Variants in HIVEP2 observed in about 807,000 individuals in gnomAD.
The protein encoded by HIVEP2 is transcription factor HIVEP2.
In HIVEP2, 14 loss-of-function variants were observed where a neutral mutation model predicts 180.7. The ratio of observed to expected loss-of-function variants is 0.08; its 90% CI spans 0.05 to 0.12. HIVEP2 has a LOEUF of 0.12. HIVEP2 is among the 10% of genes least tolerant of loss of function. HIVEP2 has a pLI of 1.00. For synonymous variants in HIVEP2, 1,184 were observed against 1,136.4 expected, an observed-to-expected ratio of 1.04 and a Z score of -0.84; for missense variants, 2,579 against 3,008.5, an observed-to-expected ratio of 0.86 and a Z score of 3.34.
Position 142,771,330 on chromosome 6 carries a change from T to C in HIVEP2, c.3409A>G (p.Lys1137Glu). 13 of 1,613,140 alleles carry C rather than the reference T, an allele frequency of 8.1e-6. No individual in the cohort carries two copies. Among genetic ancestry groups the C allele is most frequent in the Non-Finnish European group, 1.1e-5 (13 of 1,179,988 alleles). The change falls in exon 5 of 10, where the codon AAG becomes GAG. Residue 1137 changes from lysine (K) to glutamate (E), a missense_variant. Physicochemically the swap from Lys to Glu is moderately conservative, Grantham distance 56. Coordinates refer to ENST00000367603, the MANE Select transcript of HIVEP2 (RefSeq NM_006734.4). The surrounding 1 kb of genome is among the most constrained non-coding windows in gnomAD (Gnocchi z 5.4). ...GGGGGACAAGGACCCGCCACCTGCT[T>C]CCCTGGGTCCTCTTGCTGAAGAGGA... ...LPPLQQEDPGKQVAGPCPPLS... is the reference protein window; with the variant it reads ...LPPLQQEDPGEQVAGPCPPLS...
chr6:142,881,566 A>G (rs954876470), intron 1 of HIVEP2, among the ~76,000 whole-genome samples: 1 of 152,158 alleles, frequency 6.6e-6, no homozygotes, highest in Non-Finnish European at 1.5e-5. Context: ...GCCTTTAATA[A>G]AAAGTCTTGG....
intron 9 of HIVEP2, among the ~76,000 whole-genome samples, chr6:142,755,781 C>T (rs770775141): frequency 6.6e-6 from 1 of 152,144 alleles, no homozygotes; most frequent in Non-Finnish European, 1.5e-5. Context: ...AAATTCAGCC[C>T]TTCACTGATT....
At chr6:142,763,713 T>A (rs1420414301) in intron 7 of HIVEP2, among the ~76,000 whole-genome samples, 5 of 152,212 alleles carry the variant, frequency 3.3e-5, no homozygotes, top group African/African-American at 9.6e-5. Context: ...TTAGTAAAGT[T>A]CTGTATAAAA....
intron 2 of HIVEP2, among the ~76,000 whole-genome samples, chr6:142,825,240 T>C (rs753216149): frequency 2.6e-5 from 4 of 151,974 alleles, no homozygotes; most frequent in Non-Finnish European, 5.9e-5. Flanking sequence ...ATGTTTTAAA[T>C]AGAGAAATAA....
intron 2 of HIVEP2, among the ~76,000 whole-genome samples, chr6:142,819,027 A>G (rs1302578546): frequency 9.2e-6 from 1 of 108,860 alleles, no homozygotes; most frequent in Non-Finnish European, 1.7e-5. Flanking sequence ...GAAGGGAGGC[A>G]GGGAAGAAGG....
rs775671865 is a variant in HIVEP2, at chr6:142,770,272, G to T, written c.4467C>A (p.Arg1489=). Residue 1489 remains arginine (R), a synonymous_variant, in exon 5 of 10, where the codon CGC becomes CGA. Transcript: ENST00000367603. This position sits in a 1 kb window ranked among gnomAD's most constrained non-coding sequence, Gnocchi z 4.7. ...TNSDIKKDLS[R]PQKPQLVRQG... The stretch of plus-strand genomic sequence containing the variant: ...GTCGAACCAGCTGGGGTTTCTGGGG[G>T]CGGGAGAGGTCCTTTTTGATGTCTG... 5.9e-5 allele frequency: 95 copies of T among 1,614,094 alleles called. No individual in the cohort carries two copies. In the South Asian group the frequency reaches 1.0e-3, roughly 17 times the overall value.
At chr6:142,893,513 TC>T (rs890713386) in intron 1 of HIVEP2, among the ~76,000 whole-genome samples, 1 of 152,192 alleles carries the variant, frequency 6.6e-6, no homozygotes, top group African/African-American at 2.4e-5. Context: ...GTGATCTGAC[TC>T]CCCTTTGCAG....
At chr6:142,761,663 A>T in intron 7 of HIVEP2, 98 bp from the exon 8 acceptor site, 1 of 764,092 alleles carries the variant, frequency 1.3e-6, no homozygotes, top group South Asian at 1.4e-5. Flanking sequence ...AACTAATTTT[A>T]TTAAATTCAT....
At chr6:142,755,122 A>T (rs1441229547) in intron 9 of HIVEP2, among the ~76,000 whole-genome samples, 1 of 152,198 alleles carries the variant, frequency 6.6e-6, no homozygotes, top group Non-Finnish European at 1.5e-5. Context: ...AGCATTAAAG[A>T]TTCATCCAGT....
chr6:142,844,925 G>C (rs1355744405), intron 1 of HIVEP2, among the ~76,000 whole-genome samples: 2 of 152,246 alleles, frequency 1.3e-5, no homozygotes, highest in East Asian at 3.8e-4. Flanking sequence ...GCACACCCTA[G>C]TGAGACCACG....
chr6:142,916,727 T>C (rs1423604811), intron 1 of HIVEP2, among the ~76,000 whole-genome samples: 1 of 152,184 alleles, frequency 6.6e-6, no homozygotes, highest in Non-Finnish European at 1.5e-5. Flanking sequence ...GCTGTATGAT[T>C]GTCAGATTAA....
At chr6:142,904,807 G>A (rs908929284) in intron 1 of HIVEP2, among the ~76,000 whole-genome samples, 11 of 151,996 alleles carry the variant, frequency 7.2e-5, no homozygotes, top group South Asian at 4.1e-4. Context: ...CATTTATCCC[G>A]AAGATCATTC....
At chr6:142,913,716 A>C (rs1489801564) in intron 1 of HIVEP2, among the ~76,000 whole-genome samples, 4 of 152,244 alleles carry the variant, frequency 2.6e-5, no homozygotes, top group Non-Finnish European at 5.9e-5. Context: ...CTTCAGAGGA[A>C]GTGAAACTTA....
chr6:142,867,243 A>C (rs1381210585), intron 1 of HIVEP2, among the ~76,000 whole-genome samples: 1 of 152,126 alleles, frequency 6.6e-6, no homozygotes, highest in Non-Finnish European at 1.5e-5. Context: ...TTAAGTATCA[A>C]GTTTTGTGTT....
chr6:142,790,835 C>A (rs1418864234), intron 2 of HIVEP2, among the ~76,000 whole-genome samples: 1 of 152,180 alleles, frequency 6.6e-6, no homozygotes, highest in Non-Finnish European at 1.5e-5. Context: ...GGAAATAATA[C>A]CCAAAGCAAT....
chr6:142,797,113 A>G (rs1372868158), intron 2 of HIVEP2, among the ~76,000 whole-genome samples: 1 of 152,122 alleles, frequency 6.6e-6, no homozygotes, highest in Non-Finnish European at 1.5e-5. Flanking sequence ...TAGTGTCTAC[A>G]TATATTTTAT....
rs1777307183 is a variant in HIVEP2 at position 142,907,861 on chromosome 6, A to G, written c.-641+37238T>C. Among the ~76,000 whole-genome samples, 3 of 152,212 alleles carry G rather than the reference A, an allele frequency of 2.0e-5. No homozygotes were observed. In the South Asian group the frequency reaches 6.2e-4, roughly 32 times the overall value. On this transcript the variant is annotated intron_variant, in intron 1 of 9. Transcript: ENST00000367603. ...GAGCAGAACCACTTTAAACATATCT[A>G]AAGTCTAATAACTTTTCGATTTATT...
rs1433999625 is a variant in HIVEP2, at chr6:142,772,834, C to T, written c.1905G>A (p.Gly635=). ...GTTTCCGACAGACATCATAGTCATACCCAACCCTGTCCCCAGGAGACAATT... is the reference window on the plus strand; with the variant it reads ...GTTTCCGACAGACATCATAGTCATATCCAACCCTGTCCCCAGGAGACAATT... ...EKKLSPGDRV[G]YDYDVCRKPY... The change falls in exon 5 of 10, where the codon GGG becomes GGA. Residue 635 remains glycine (G), a synonymous_variant. Transcript: ENST00000367603. The surrounding 1 kb of genome is among the most constrained non-coding windows in gnomAD (Gnocchi z 4.9). 4 of 1,614,178 alleles carry T rather than the reference C, an allele frequency of 2.5e-6. No individual in the cohort carries two copies. In the Admixed American group the frequency reaches 6.7e-5, roughly 27 times the overall value.
Position 142,774,166 on chromosome 6 carries a change from G to A in HIVEP2, c.573C>T (p.Cys191=), listed in dbSNP as rs1457905734. 1.9e-6 allele frequency: 3 copies of A among 1,613,998 alleles called. No homozygotes were observed. In the Admixed American group the frequency reaches 5.0e-5, roughly 27 times the overall value. ...TGGCACACGCTCTGCTGCAGTAAGGGCAAATGTACTTGCCAGGCTTTTTGG... is the reference window on the plus strand; with the variant it reads ...TGGCACACGCTCTGCTGCAGTAAGGACAAATGTACTTGCCAGGCTTTTTGG... The part of the protein sequence containing the change: ...HKPKKPGKYI[C]PYCSRACAKP... Residue 191 remains cysteine (C), a synonymous_variant, in exon 5 of 10, where the codon TGC becomes TGT. Transcript: ENST00000367603. The surrounding 1 kb of genome is among the most constrained non-coding windows in gnomAD (Gnocchi z 5.1).
Sources: gnomAD v4.1 joint callset for allele counts (sites outside exome capture counted in the v4.1 genomes callset) on GRCh38, gnomAD v4.1.1 for gene constraint, Gnocchi (gnomAD v3.1) non-coding constraint, MANE v1.5 for transcripts, NCBI Gene and HGNC (gene_info 2026-07-23, HGNC 2026-07-21) for gene names.